Variants in EFHD1 observed in about 807,000 individuals in gnomAD.
EFHD1 encodes the protein EF-hand domain family member D1.
Under a neutral mutation model 17.2 loss-of-function variants are expected in EFHD1, and 10 were observed. The ratio of observed to expected loss-of-function variants is 0.58; its 90% confidence interval spans 0.36 to 0.99. The LOEUF is 0.99. Among genes scored for constraint, EFHD1 ranks in the 50% least tolerant of loss-of-function variants. The probability of loss-of-function intolerance (pLI) is 0.01; values close to 1 mark genes in which losing one functional copy is unlikely to be tolerated. For missense variants in EFHD1, 310 were observed against 327.5 expected (o/e 0.95, Z 0.41); for synonymous variants, 153 against 142.0 (o/e 1.08, Z -0.55).
intron 1 of EFHD1, among the ~76,000 whole-genome samples, chr2:232,643,203 G>T (rs1164686994): frequency 2.6e-5 from 4 of 151,412 alleles, no homozygotes; most frequent in South Asian, 2.1e-4. Context: ...AAAAAAAAAA[G>T]AAAAAATAAA....
At chr2:232,658,241 A>T (rs1694798017) in intron 1 of EFHD1, among the ~76,000 whole-genome samples, 1 of 152,096 alleles carries the variant, frequency 6.6e-6, no homozygotes, top group Non-Finnish European at 1.5e-5. Context: ...TTATCTGTGG[A>T]CATCACACCA....
chr2:232,643,174 TG>T (rs1356707013), intron 1 of EFHD1, among the ~76,000 whole-genome samples: 2 of 151,014 alleles, frequency 1.3e-5, no homozygotes, highest in Non-Finnish European at 3.0e-5. Flanking sequence ...GAAATTAACA[TG>T]TAACCAGCTA....
rs147528111 is a variant in EFHD1 at position 232,637,217 on chromosome 2, C to G, written c.302+3211C>G. On this transcript the variant is annotated intron_variant, in intron 1 of 3. Coordinates refer to ENST00000264059, the MANE Select transcript of EFHD1 (RefSeq NM_025202.4). ...GCGAAGACTCCTTCTGTGCCTGTTT[C>G]CTGGCTTCTGGTGGTTGCCAGAATT... is the stretch of plus-strand genomic sequence containing the variant. Among the ~76,000 whole-genome samples, 363 of 152,248 alleles carry G rather than the reference C, an allele frequency of 2.4e-3. 1 individual carries two copies. The highest frequency in any genetic ancestry group is 7.9e-3 in the African/African-American group (330 of 41,544).
At chr2:232,614,121 C>CATACATATGTACACACATACAT (rs1693876001) in intron 1 of EFHD1, among the ~76,000 whole-genome samples, 1 of 151,746 alleles carries the variant, frequency 6.6e-6, no homozygotes, top group African/African-American at 2.4e-5. Context: ...CACACATGCA[C>CATACATATGTACACACATACAT]ATACATATGT....
chr2:232,677,261 T>C (rs1695195340), intron 3 of EFHD1, among the ~76,000 whole-genome samples: 1 of 81,254 alleles, frequency 1.2e-5, no homozygotes, highest in African/African-American at 4.4e-5. Context: ...CACATCTTTC[T>C]ATAACACACA....
At chr2:232,634,104 T>C in intron 1 of EFHD1, 98 bp downstream of exon 1, 11 of 1,512,136 alleles carry the variant, frequency 7.3e-6, no homozygotes, top group Non-Finnish European at 8.8e-6. Context: ...TGGGGAGGGG[T>C]CCCGGGGTGC....
chr2:232,621,085 G>C (rs1694009604), intron 1 of EFHD1, among the ~76,000 whole-genome samples: 1 of 152,198 alleles, frequency 6.6e-6, no homozygotes, highest in Non-Finnish European at 1.5e-5. Flanking sequence ...TCAAATGGAA[G>C]TCATTGTCAT....
At chr2:232,645,821 C>T (rs914297175) in intron 1 of EFHD1, among the ~76,000 whole-genome samples, 4 of 152,314 alleles carry the variant, frequency 2.6e-5, no homozygotes, top group South Asian at 2.1e-4. Context: ...CCAGGGAACT[C>T]GCCTAAAGTC....
chr2:232,651,073 G>A lies in EFHD1; in HGVS notation c.303-11729G>A, dbSNP rs1694644911. 2.0e-5 allele frequency among the ~76,000 whole-genome samples: 3 copies of A among 152,170 alleles called. No homozygotes were observed. The South Asian group carries it at 6.2e-4, about 31-fold the overall frequency. ...TGAAATAAGGAGGGAGGGATCCAGGGTTAGGCCAAGCATGTGGGGAGAAAG... is the reference window on the plus strand; with the variant it reads ...TGAAATAAGGAGGGAGGGATCCAGGATTAGGCCAAGCATGTGGGGAGAAAG... On this transcript the variant is annotated intron_variant, in intron 1 of 3. Coordinates refer to ENST00000264059, the MANE Select transcript of EFHD1 (RefSeq NM_025202.4).
At chr2:232,636,737 C>T (rs543230669) in intron 1 of EFHD1, among the ~76,000 whole-genome samples, 182 of 152,224 alleles carry the variant, frequency 1.2e-3, no homozygotes, top group Non-Finnish European at 2.2e-3. Flanking sequence ...GCAGGAGAAT[C>T]GCTTGAACCT....
Position 232,639,762 on chromosome 2 carries a change from CTTAG to C in EFHD1, c.302+5761_302+5764del, listed in dbSNP as rs1193989342. ...CAGGCTGTCTACAATTGATATTCAT[CTTAG>C]TTAGGAGCCCAGCACATCCTCAGGG... On this transcript the variant is annotated intron_variant, in intron 1 of 3. Coordinates refer to ENST00000264059, the MANE Select transcript of EFHD1 (RefSeq NM_025202.4). Among the ~76,000 whole-genome samples the C allele has an allele frequency of 3.3e-5, 5 of 152,264 alleles. No homozygotes were observed. In the South Asian group the frequency reaches 8.3e-4, roughly 25 times the overall value.
At chr2:232,654,961 G>A (rs1046870856) in intron 1 of EFHD1, among the ~76,000 whole-genome samples, 36 of 152,272 alleles carry the variant, frequency 2.4e-4, no homozygotes, top group African/African-American at 7.7e-4. Context: ...GGGCGCTGCT[G>A]TCTCCTTACA....
At chr2:232,648,203 A>G (rs554323629) in intron 1 of EFHD1, among the ~76,000 whole-genome samples, 2 of 152,224 alleles carry the variant, frequency 1.3e-5, no homozygotes, top group Admixed American at 1.3e-4. Flanking sequence ...TATCACACTC[A>G]CTGCAGTGAG....
chr2:232,620,508 C>T (rs1251397405), intron 1 of EFHD1, among the ~76,000 whole-genome samples: 1 of 151,728 alleles, frequency 6.6e-6, no homozygotes, highest in Non-Finnish European at 1.5e-5. Flanking sequence ...GCCTCAGCCT[C>T]CTGAGTAGCT....
chr2:232,615,056 T>C (rs2106183473), intron 1 of EFHD1, among the ~76,000 whole-genome samples: 1 of 152,248 alleles, frequency 6.6e-6, no homozygotes, highest in Middle Eastern at 3.4e-3. Context: ...ATGGCAGGAC[T>C]ATGGCTCACT....
intron 2 of EFHD1, among the ~76,000 whole-genome samples, chr2:232,667,789 C>G (rs1417067478): frequency 6.6e-6 from 1 of 152,098 alleles, no homozygotes; most frequent in East Asian, 1.9e-4. Flanking sequence ...AACTCCTGAC[C>G]TCAGGCGATC....
chr2:232,663,364 ATTTTATTTAT>A (rs1694910593), intron 2 of EFHD1, among the ~76,000 whole-genome samples: 1 of 151,814 alleles, frequency 6.6e-6, no homozygotes, highest in Non-Finnish European at 1.5e-5. Flanking sequence ...CATGTGATAT[ATTTTATTTAT>A]TTTTATTATT....
At chr2:232,607,481 A>G (rs1168351776) in intron 1 of EFHD1, among the ~76,000 whole-genome samples, 1 of 150,970 alleles carries the variant, frequency 6.6e-6, no homozygotes, top group Non-Finnish European at 1.5e-5. Flanking sequence ...GTTACCCCAG[A>G]TACTCGGGAG....
intron 1 of EFHD1, among the ~76,000 whole-genome samples, chr2:232,624,872 A>AC (rs1022239707): frequency 6.6e-6 from 1 of 151,728 alleles, no homozygotes; most frequent in East Asian, 1.9e-4. Context: ...TCACTGTTAG[A>AC]CCCCCTCACT....
Sources: allele counts gnomAD v4.1 joint callset (sites outside exome capture counted in the v4.1 genomes callset), GRCh38; gene constraint gnomAD v4.1.1; transcripts MANE v1.5; gene names NCBI Gene and HGNC (gene_info 2026-07-23, HGNC 2026-07-21).